Variants in BCKDHB observed in about 807,000 individuals in gnomAD.
BCKDHB encodes the protein branched chain keto acid dehydrogenase E1 subunit beta, also known as 2-oxoisovalerate dehydrogenase subunit beta, mitochondrial.
In BCKDHB, 41 loss-of-function variants were observed where a neutral mutation model predicts 48.5. The ratio of observed to expected loss-of-function variants is 0.85; its 90% CI spans 0.66 to 1.10. The LOEUF is 1.10. Ranked by LOEUF, BCKDHB falls within the 50% of genes least tolerant of loss-of-function variation. The pLI, the probability that BCKDHB is intolerant of heterozygous loss-of-function variation, is 0.00. For synonymous variants in BCKDHB, 201 were observed against 174.8 expected, an observed-to-expected ratio of 1.15 and a Z score of -1.18; for missense variants, 496 against 494.2, an observed-to-expected ratio of 1.00 and a Z score of -0.03.
the BCKDHB span, among the ~76,000 whole-genome samples, chr6:80,427,766 T>G: frequency 6.6e-6 from 1 of 152,234 alleles, no homozygotes; most frequent in Non-Finnish European, 1.5e-5. Context: ...TTCAAATCTT[T>G]GAAGATGTTA....
intron 8 of BCKDHB, among the ~76,000 whole-genome samples, chr6:80,203,475 G>A (rs185194018): frequency 3.1e-4 from 47 of 152,158 alleles, no homozygotes; most frequent in Non-Finnish European, 5.4e-4. Context: ...GTCACCTTGG[G>A]TTGAATTGTG....
intron 9 of BCKDHB, among the ~76,000 whole-genome samples, chr6:80,275,329 G>A (rs1195312156): frequency 6.6e-6 from 1 of 151,990 alleles, no homozygotes; most frequent in African/African-American, 2.4e-5. Context: ...AAAATCCCCT[G>A]CCTTCCACGA....
At chr6:80,402,369 T>A in the BCKDHB span, among the ~76,000 whole-genome samples, 1 of 151,984 alleles carries the variant, frequency 6.6e-6, no homozygotes, top group African/African-American at 2.4e-5. Flanking sequence ...TGATTAGTGA[T>A]GTCGAGCAAC....
At chr6:80,406,763 G>A in the BCKDHB span, among the ~76,000 whole-genome samples, 1 of 152,156 alleles carries the variant, frequency 6.6e-6, no homozygotes, top group East Asian at 1.9e-4. Context: ...TTAGCTATTT[G>A]TCAAATAGGT....
At chr6:80,148,431 A>G (rs1452152386) in intron 3 of BCKDHB, among the ~76,000 whole-genome samples, 1 of 152,066 alleles carries the variant, frequency 6.6e-6, no homozygotes, top group Non-Finnish European at 1.5e-5. Context: ...TGGGTCCTCA[A>G]AACAGCTCAG....
chr6:80,122,827 G>GA (rs1770100962), intron 1 of BCKDHB, among the ~76,000 whole-genome samples: 1 of 152,124 alleles, frequency 6.6e-6, no homozygotes, highest in Admixed American at 6.5e-5. Flanking sequence ...GAACCAGTCT[G>GA]ACCACAAATT....
intron 9 of BCKDHB, among the ~76,000 whole-genome samples, chr6:80,339,494 A>G (rs1373149140): frequency 6.6e-6 from 1 of 152,214 alleles, no homozygotes; most frequent in African/African-American, 2.4e-5. Flanking sequence ...TGTGACTTTA[A>G]TGATTTGGAA....
rs1582602689 is a variant in BCKDHB at position 80,344,705 on chromosome 6, T to A, written c.*901T>A. On this transcript the variant is annotated 3_prime_UTR_variant, in exon 10 of 10. Transcript: ENST00000320393. ...ATGTTAACATTGAATAGTCAATCAC[T>A]AGATGAAGATGCTCTCTACCATGGT... The A allele has an allele frequency of 6.6e-6, 1 of 152,348 alleles. No homozygotes were observed. The highest frequency in any genetic ancestry group is 2.1e-4 in the South Asian group (1 of 4,830). 9.4% of individuals were successfully genotyped at this position (152,348 alleles called of 1,614,324 possible).
At position 80,208,867 on chromosome 6, in the gene BCKDHB, G is replaced by A. The variant is rs560525580; in HGVS notation, c.951+5655G>A. 8.6e-5 allele frequency among the ~76,000 whole-genome samples: 13 copies of A among 151,824 alleles called. 1 individual carries two copies. Among genetic ancestry groups the A allele is most frequent in the African/African-American group, 2.7e-4 (11 of 41,482 alleles). ...ATGTAGTCCTTATGCAAACCCTTACGGAGAGTGGAATCAAAGAGAAAACTT... is the reference window on the plus strand; with the variant it reads ...ATGTAGTCCTTATGCAAACCCTTACAGAGAGTGGAATCAAAGAGAAAACTT... On this transcript the variant is annotated intron_variant, in intron 8 of 9. Transcript: ENST00000320393.
intron 9 of BCKDHB, among the ~76,000 whole-genome samples, chr6:80,332,820 G>T (rs1395720322): frequency 6.6e-6 from 1 of 151,702 alleles, no homozygotes; most frequent in African/African-American, 2.4e-5. Flanking sequence ...AACTCAAGTG[G>T]CAGCTCATGC....
At chr6:80,129,913 C>T (rs1770545797) in intron 3 of BCKDHB, among the ~76,000 whole-genome samples, 1 of 152,226 alleles carries the variant, frequency 6.6e-6, no homozygotes, top group African/African-American at 2.4e-5. Flanking sequence ...ACAACAACTT[C>T]TACACCTGTG....
intron 8 of BCKDHB, among the ~76,000 whole-genome samples, chr6:80,252,309 C>A (rs1230436889): frequency 1.3e-5 from 2 of 152,128 alleles, no homozygotes; most frequent in Non-Finnish European, 2.9e-5. Flanking sequence ...TGAGAGATTT[C>A]TGGAGAAATT....
intron 8 of BCKDHB, among the ~76,000 whole-genome samples, chr6:80,244,429 A>G (rs1776520541): frequency 6.6e-6 from 1 of 152,258 alleles, no homozygotes; most frequent in Non-Finnish European, 1.5e-5. Context: ...TTGCTCATAA[A>G]TCAAATTGTG....
Position 80,177,135 on chromosome 6 carries a change from G to A in BCKDHB, c.742+5745G>A, listed in dbSNP as rs144789094. Reference sequence around the variant, plus strand: ...CTAGCTACTTGGAAAGCTGAGGTGGGAGGATCACCTGCGCCTGGGGAGGCT... The same window carrying A: ...CTAGCTACTTGGAAAGCTGAGGTGGAAGGATCACCTGCGCCTGGGGAGGCT... On this transcript the variant is annotated intron_variant, in intron 6 of 9. Transcript: ENST00000320393. 1.7e-3 allele frequency among the ~76,000 whole-genome samples: 262 copies of A among 149,862 alleles called. 1 individual carries two copies. Among genetic ancestry groups the A allele is most frequent in the African/African-American group, 6.1e-3 (248 of 40,768 alleles).
chr6:80,441,379 T>C, the BCKDHB span, among the ~76,000 whole-genome samples: 2 of 152,138 alleles, frequency 1.3e-5, no homozygotes, highest in Non-Finnish European at 2.9e-5. Context: ...TGCCAAACTC[T>C]GGAGAGCTCA....
At chr6:80,181,862 T>C (rs897934058) in intron 6 of BCKDHB, among the ~76,000 whole-genome samples, 1 of 152,180 alleles carries the variant, frequency 6.6e-6, no homozygotes, top group Non-Finnish European at 1.5e-5. Context: ...ACAGGGAGAT[T>C]TGGATTCTGT....
chr6:80,222,882 C>T (rs771006574), intron 8 of BCKDHB, among the ~76,000 whole-genome samples: 58 of 152,202 alleles, frequency 3.8e-4, no homozygotes, highest in Non-Finnish European at 7.2e-4. Flanking sequence ...TAATCATATC[C>T]CATCAACTGT....
chr6:80,418,358 G>A, the BCKDHB span, among the ~76,000 whole-genome samples: 1 of 152,282 alleles, frequency 6.6e-6, no homozygotes, highest in South Asian at 2.1e-4. Flanking sequence ...AGGTAAGAAG[G>A]CACTCTGGCT....
At chr6:80,153,643 C>A (rs1482281779) in intron 3 of BCKDHB, among the ~76,000 whole-genome samples, 1 of 152,260 alleles carries the variant, frequency 6.6e-6, no homozygotes, top group South Asian at 2.1e-4. Context: ...CTTTCTTCTT[C>A]TTATTTTCCT....
Sources: gnomAD v4.1 joint callset for allele counts (sites outside exome capture counted in the v4.1 genomes callset) on GRCh38, gnomAD v4.1.1 for gene constraint, MANE v1.5 for transcripts, NCBI Gene and HGNC (gene_info 2026-07-23, HGNC 2026-07-21) for gene names.